POTEF: variants seen among roughly 807,000 people sequenced by gnomAD.
POTEF encodes the protein ANKRD26-like family C member 1B.
POTEF carries 20 observed loss-of-function variants against 83.2 expected under a neutral mutation model. The ratio of observed to expected loss-of-function variants is 0.24; its 90% confidence interval spans 0.17 to 0.35. POTEF has a LOEUF of 0.35. Among genes scored for constraint, POTEF ranks in the 10% least tolerant of loss-of-function variants. The probability of loss-of-function intolerance (pLI) is 1.00; values close to 1 mark genes in which losing one functional copy is unlikely to be tolerated. For synonymous variants in POTEF, 196 were observed against 446.4 expected, an observed-to-expected ratio of 0.44 and a Z score of 7.07; for missense variants, 550 against 1,203.2, an observed-to-expected ratio of 0.46 and a Z score of 8.03.
chr2:130,117,797 A>G (rs1415112309), intron 3 of POTEF, among the ~76,000 whole-genome samples: 4 of 152,108 alleles, frequency 2.6e-5, no homozygotes, highest in Admixed American at 6.5e-5. Flanking sequence ...AGTAAAAAGC[A>G]TAACATTTTA....
At chr2:130,128,595 C>T (rs545941848) in intron 1 of POTEF, among the ~76,000 whole-genome samples, 347 of 147,976 alleles carry the variant, frequency 2.3e-3, no homozygotes, top group African/African-American at 8.4e-3. Flanking sequence ...CCCGATAGTG[C>T]CCACAACCTG....
At chr2:130,125,611 A>G (rs1481105785) in intron 2 of POTEF, among the ~76,000 whole-genome samples, 2 of 151,652 alleles carry the variant, frequency 1.3e-5, no homozygotes, top group African/African-American at 2.4e-5. Context: ...CTTAGATACA[A>G]AAGTTAATAA....
intron 8 of POTEF, among the ~76,000 whole-genome samples, chr2:130,105,233 G>T (rs1558889028): frequency 1.3e-5 from 2 of 150,530 alleles, no homozygotes; most frequent in Non-Finnish European, 2.9e-5. Flanking sequence ...AAAAAAGCCT[G>T]CCAACTATTA....
intron 2 of POTEF, among the ~76,000 whole-genome samples, chr2:130,121,128 C>CGCGTGCG (rs1553473444): frequency 2.7e-5 from 4 of 150,300 alleles, no homozygotes; most frequent in African/African-American, 1.0e-4. Context: ...GCGCGGCGTG[C>CGCGTGCG]GCGTGCGCGT....
intron 8 of POTEF, among the ~76,000 whole-genome samples, chr2:130,103,611 C>T (rs1038630680): frequency 1.3e-5 from 2 of 149,026 alleles, no homozygotes; most frequent in African/African-American, 2.5e-5. Context: ...CATCATCTTA[C>T]TCACATTTTA....
chr2:130,126,535 G>C (rs1685097449), intron 2 of POTEF, among the ~76,000 whole-genome samples: 1 of 152,088 alleles, frequency 6.6e-6, no homozygotes, highest in Non-Finnish European at 1.5e-5. Flanking sequence ...ATTTATGCCA[G>C]AGGCTGCAAT....
At chr2:130,118,473 G>T (rs957925661) in intron 3 of POTEF, among the ~76,000 whole-genome samples, 8 of 151,820 alleles carry the variant, frequency 5.3e-5, no homozygotes, top group African/African-American at 1.9e-4. Context: ...AAGGTGGGTG[G>T]ATCACGAGGG....
chr2:130,128,608 C>G (rs981318127), intron 1 of POTEF, among the ~76,000 whole-genome samples: 10 of 151,760 alleles, frequency 6.6e-5, no homozygotes, highest in African/African-American at 1.9e-4. Context: ...ACAACCTGAC[C>G]CAGCCACAGG....
At chr2:130,102,743 G>A (rs1425258166) in intron 8 of POTEF, among the ~76,000 whole-genome samples, 1 of 151,348 alleles carries the variant, frequency 6.6e-6, no homozygotes, top group Non-Finnish European at 1.5e-5. Flanking sequence ...CTATTCGCAA[G>A]TTCCTGTTGA....
At chr2:130,093,178 A>T (rs1195646325) in intron 12 of POTEF, among the ~76,000 whole-genome samples, 1 of 136,246 alleles carries the variant, frequency 7.3e-6, no homozygotes, top group Non-Finnish European at 1.5e-5. Flanking sequence ...TGCCCCCAGA[A>T]GGGACCATCT....
chr2:130,104,543 G>A (rs1307908020), intron 8 of POTEF, among the ~76,000 whole-genome samples: 1 of 151,084 alleles, frequency 6.6e-6, no homozygotes, highest in Admixed American at 6.6e-5. Context: ...CTGCAAGCGG[G>A]GAAAAAATCA....
chr2:130,088,595 CT>C (rs1312968637), intron 12 of POTEF, among the ~76,000 whole-genome samples: 199 of 51,080 alleles, frequency 3.9e-3, no homozygotes, highest in African/African-American at 0.01. Context: ...TTTCTTTTTT[CT>C]TTTTTTTTTT....
chr2:130,108,864 C>A (rs1228329215), intron 7 of POTEF, among the ~76,000 whole-genome samples: 1 of 150,448 alleles, frequency 6.6e-6, no homozygotes, highest in African/African-American at 2.5e-5. Context: ...TCTCTACCGA[C>A]TCAAACTCTC....
chr2:130,112,243 G>A, intron 5 of POTEF, 142 bp from the exon 6 acceptor site: 1 of 1,005,738 alleles, frequency 9.9e-7, no homozygotes. Flanking sequence ...TCACTCTTCT[G>A]TGCTTTCCCA....
chr2:130,094,661 T>C (rs1356130206), intron 11 of POTEF, among the ~76,000 whole-genome samples: 1 of 21,798 alleles, frequency 4.6e-5, no homozygotes, highest in African/African-American at 1.9e-4. Flanking sequence ...AAAATTTGTG[T>C]GGCCGCCTTA....
chr2:130,114,464 ACT>A (rs1239468503), intron 5 of POTEF, among the ~76,000 whole-genome samples: 1 of 146,112 alleles, frequency 6.8e-6, no homozygotes, highest in East Asian at 2.0e-4. Flanking sequence ...CGTATCTATT[ACT>A]GTTTTTTAGG....
intron 11 of POTEF, among the ~76,000 whole-genome samples, chr2:130,098,684 C>A (rs1179915851): frequency 5.8e-5 from 8 of 137,496 alleles, no homozygotes; most frequent in African/African-American, 2.1e-4. Context: ...TAATGATTTA[C>A]TTTTGATAAT....
At position 130,114,818 on chromosome 2, in the gene POTEF, C is replaced by T. The variant is rs567024014; in HGVS notation, c.810+63G>A. Reference sequence around the variant, plus strand: ...TCCAAATATGGAAGACTGGCCCTTACACAGGTCAATGTTAAAATGAATGCA... The same window carrying T: ...TCCAAATATGGAAGACTGGCCCTTATACAGGTCAATGTTAAAATGAATGCA... On this transcript the variant is annotated intron_variant, in intron 5 of 16. Coordinates refer to ENST00000409914, the MANE Select transcript of POTEF (RefSeq NM_001099771.2). The T allele has an allele frequency of 2.2e-5, 30 of 1,361,530 alleles. No individual in the cohort carries two copies. The South Asian group carries it at 3.8e-4, about 17-fold the overall frequency. The allele number at this position is 1,361,530 out of a possible 1,614,324, so 84.3% of individuals were successfully genotyped here.
At chr2:130,102,571 G>GT (rs1684403439) in intron 8 of POTEF, among the ~76,000 whole-genome samples, 1 of 148,606 alleles carries the variant, frequency 6.7e-6, no homozygotes, top group African/African-American at 2.5e-5. Flanking sequence ...TCTAAGGATA[G>GT]TAACAAGCAG....
Sources: allele counts gnomAD v4.1 joint callset (sites outside exome capture counted in the v4.1 genomes callset), GRCh38; gene constraint gnomAD v4.1.1; transcripts MANE v1.5; gene names NCBI Gene and HGNC (gene_info 2026-07-23, HGNC 2026-07-21).